The following AAK1 variants were observed in gnomAD, a reference collection of about 807,000 sequenced individuals.
AAK1 encodes the protein AP2 associated kinase 1.
In AAK1, 37 loss-of-function variants were observed where a neutral mutation model predicts 116.0. The observed-to-expected ratio is 0.32, with a 90% confidence interval of 0.25 to 0.42. The LOEUF (loss-of-function observed/expected upper bound fraction) is 0.42, where lower values mean the gene tolerates loss of function less well. AAK1 is among the 10% of genes least tolerant of loss of function. The pLI is 1.00. For missense variants in AAK1, 919 were observed against 1,170.6 expected, an observed-to-expected ratio of 0.79 and a Z score of 3.14; for synonymous variants, 458 against 439.9, an observed-to-expected ratio of 1.04 and a Z score of -0.51.
chr2:69,518,973 T>C lies in AAK1; in HGVS notation c.1478A>G (p.Gln493Arg), dbSNP rs1231709732. The C allele has an allele frequency of 1.3e-6, 2 of 1,548,844 alleles. No individual in the cohort carries two copies. Among genetic ancestry groups the C allele is most frequent in the Admixed American group, 2.0e-5 (1 of 50,972 alleles). ...QQPAGTFYQQ[Q>R]QAQTQQFQAV... ...CCTTACCTGCTGAGTCTGGGCCTGC[T>C]GCTGCTGGTAAAACGTGCCTGCCGG... Residue 493 changes from glutamine to arginine, a missense_variant, in exon 12 of 22, where the codon CAG (glutamine) becomes CGG (arginine). By Grantham distance (43) the Gln-to-Arg change is conservative. This residue lies in a region of AAK1 where 214 missense variants were observed against 210.6 expected (regional missense o/e 1.02). Transcript: ENST00000409085.
intron 2 of AAK1, among the ~76,000 whole-genome samples, chr2:69,561,571 T>A (rs1274173731): frequency 2.0e-5 from 3 of 152,230 alleles, no homozygotes; most frequent in African/African-American, 7.2e-5. Flanking sequence ...TCAGATAAGA[T>A]CCCTCATCTT....
At chr2:69,505,119 G>A (rs1227850205) in intron 16 of AAK1, among the ~76,000 whole-genome samples, 1 of 116,046 alleles carries the variant, frequency 8.6e-6, no homozygotes, top group Non-Finnish European at 1.8e-5. Context: ...GCGTGCGTGC[G>A]TGTGCGCACA....
intron 16 of AAK1, among the ~76,000 whole-genome samples, chr2:69,504,042 T>C (rs1676078779): frequency 6.7e-6 from 1 of 150,262 alleles, no homozygotes; most frequent in African/African-American, 2.4e-5. Flanking sequence ...TCTTTAATGA[T>C]GTAGGAGATA....
rs749530318 is a variant in AAK1, at chr2:69,544,429, T to G, written c.391+7A>C. 1 of 1,597,162 alleles carries G rather than the reference T, an allele frequency of 6.3e-7. No homozygotes were observed. The highest frequency in any genetic ancestry group is 2.2e-5 in the East Asian group (1 of 44,756). On this transcript the variant is annotated splice_region_variant and intron_variant, in intron 4 of 21. Coordinates refer to ENST00000409085, the MANE Select transcript of AAK1 (RefSeq NM_014911.5). ...TGACAGCTTAAGGGAATGGTTCATATACATACCTCTACAAAAGTCCATCAG... is the reference window on the plus strand; with the variant it reads ...TGACAGCTTAAGGGAATGGTTCATAGACATACCTCTACAAAAGTCCATCAG...
chr2:69,473,917 A>T lies in AAK1; in HGVS notation c.*1952T>A. 1 of 985,862 alleles carries T rather than the reference A, an allele frequency of 1.0e-6. No individual in the cohort carries two copies. The highest frequency in any genetic ancestry group is 1.2e-6 in the Non-Finnish European group (1 of 829,928). 61.1% of individuals were successfully genotyped at this position (985,862 alleles called of 1,614,324 possible). ...CCTATTTTCACTGCTATCCAACCAC[A>T]GAGAGCCCTTCGTGGATATCTTTTG... On this transcript the variant is annotated 3_prime_UTR_variant, in exon 22 of 22. Coordinates refer to ENST00000409085, the MANE Select transcript of AAK1 (RefSeq NM_014911.5).
rs1221430105 is a variant in AAK1 at position 69,548,974 on chromosome 2, T to TA, written c.283-4431dup. 2.0e-5 allele frequency among the ~76,000 whole-genome samples: 3 copies of TA among 152,170 alleles called. No individual in the cohort carries two copies. The East Asian group carries it at 5.8e-4, about 29-fold the overall frequency. On this transcript the variant is annotated intron_variant, in intron 3 of 21. Transcript: ENST00000409085. ...CAATCTACAGACAGCCCTCACCCGTTAGACAGTTCTTCCTTACCTATCTGG... is the reference window on the plus strand; with the variant it reads ...CAATCTACAGACAGCCCTCACCCGTTAAGACAGTTCTTCCTTACCTATCTGG...
chr2:69,485,394 A>C (rs1347821897), intron 17 of AAK1, among the ~76,000 whole-genome samples: 1 of 152,140 alleles, frequency 6.6e-6, no homozygotes, highest in Non-Finnish European at 1.5e-5. Flanking sequence ...TCATCTGTAA[A>C]ATGGAGATGC....
chr2:69,471,480 GA>G lies in AAK1; in HGVS notation c.*4388del. The G allele has an allele frequency of 1.0e-6, 1 of 985,432 alleles. No individual in the cohort carries two copies. Among genetic ancestry groups the G allele is most frequent in the Non-Finnish European group, 1.2e-6 (1 of 829,926 alleles). 61.0% of individuals were successfully genotyped at this position (985,432 alleles called of 1,614,324 possible). On this transcript the variant is annotated 3_prime_UTR_variant, in exon 22 of 22. Transcript: ENST00000409085. Reference sequence around the variant, plus strand: ...AATAAAGATAGCTTTGCAGTATCTGGAGTGTTTCAGGAAAGCTTCCATTCTA... The same window carrying G: ...AATAAAGATAGCTTTGCAGTATCTGGGTGTTTCAGGAAAGCTTCCATTCTA...
At position 69,516,645 on chromosome 2, in the gene AAK1, G is replaced by A. The variant is rs1419837591; in HGVS notation, c.1498-1896C>T. ...AGCAAGGAAATCATTAAAGACCACTGGAGTTACATTCAAAGGATTTAGGAG... is the reference window on the plus strand; with the variant it reads ...AGCAAGGAAATCATTAAAGACCACTAGAGTTACATTCAAAGGATTTAGGAG... On this transcript the variant is annotated intron_variant, in intron 12 of 21. Coordinates refer to ENST00000409085, the MANE Select transcript of AAK1 (RefSeq NM_014911.5). 7 of 152,290 alleles carry A rather than the reference G, an allele frequency of 4.6e-5. No homozygotes were observed. In the East Asian group the frequency reaches 1.2e-3, roughly 25 times the overall value. The allele number at this position is 152,290 out of a possible 1,614,324, so 9.4% of individuals were successfully genotyped here. A position where few individuals can be genotyped will look rare whatever the true frequency, so the allele number is the denominator to read the frequency against.
intron 18 of AAK1, chr2:69,481,654 C>T (rs1206839830): frequency 6.6e-6 from 1 of 152,180 alleles, no homozygotes; most frequent in Non-Finnish European, 1.5e-5. Context: ...GGGCCTTGGA[C>T]ATTTTGCAAA....
At chr2:69,561,339 T>C (rs1572958595) in intron 2 of AAK1, among the ~76,000 whole-genome samples, 1 of 152,216 alleles carries the variant, frequency 6.6e-6, no homozygotes. Flanking sequence ...ACAGTTCTTA[T>C]CTTTCTTCCC....
intron 17 of AAK1, among the ~76,000 whole-genome samples, chr2:69,487,137 G>C (rs1473095533): frequency 6.6e-6 from 1 of 152,098 alleles, no homozygotes; most frequent in Non-Finnish European, 1.5e-5. Context: ...TAAAATGTAA[G>C]GACTCTTAGA....
At chr2:69,601,422 G>C (rs986525609) in intron 2 of AAK1, among the ~76,000 whole-genome samples, 1 of 152,210 alleles carries the variant, frequency 6.6e-6, no homozygotes, top group Middle Eastern at 3.2e-3. Flanking sequence ...AGTTTATTGG[G>C]ACTCCAATTG....
chr2:69,531,543 C>CT, intron 6 of AAK1: 1 of 981,068 alleles, frequency 1.0e-6, no homozygotes, highest in African/African-American at 1.7e-5. Flanking sequence ...TCTAAAGAAG[C>CT]TTTTTATCAT....
chr2:69,525,709 T>A lies in AAK1; in HGVS notation c.976-597A>T, dbSNP rs140880661. Among the ~76,000 whole-genome samples the A allele has an allele frequency of 2.0e-5, 3 of 152,262 alleles. No homozygotes were observed. In the East Asian group the frequency reaches 5.8e-4, roughly 29 times the overall value. ...TCTGCACTATCCATCTAATAATGCC[T>A]CATGAGGGAGCACCAACTAGCTGTC... On this transcript the variant is annotated intron_variant, in intron 9 of 21. Transcript: ENST00000409085.
rs1674470627 is a variant in AAK1 at position 69,465,894 on chromosome 2, C to T, written c.*9975G>A. On this transcript the variant is annotated 3_prime_UTR_variant, in exon 22 of 22. Transcript: ENST00000409085. The stretch of plus-strand genomic sequence containing the variant: ...ACGGCCCGCGGGCAGGGGGACATCA[C>T]CTGTCTGACTGAGGAGACCGGTCTG... 1.5e-6 allele frequency: 2 copies of T among 1,290,860 alleles called. No individual in the cohort carries two copies. Among genetic ancestry groups the T allele is most frequent in the Non-Finnish European group, 1.0e-6 (1 of 988,868 alleles). The allele number at this position is 1,290,860 out of a possible 1,614,324, so 80.0% of individuals were successfully genotyped here. A position where few individuals can be genotyped will look rare whatever the true frequency, so the allele number is the denominator to read the frequency against.
chr2:69,631,760 G>T (rs1440500421), intron 2 of AAK1, among the ~76,000 whole-genome samples: 1 of 152,120 alleles, frequency 6.6e-6, no homozygotes. Context: ...CAGGTGGATT[G>T]CTTGGGCCCA....
intron 2 of AAK1, among the ~76,000 whole-genome samples, chr2:69,565,736 C>T (rs1052834490): frequency 3.3e-5 from 5 of 152,240 alleles, no homozygotes; most frequent in East Asian, 3.9e-4. Context: ...CTTGGGTGTA[C>T]CATTCAGGTG....
chr2:69,603,445 A>G (rs1039006176), intron 2 of AAK1, among the ~76,000 whole-genome samples: 1 of 152,090 alleles, frequency 6.6e-6, no homozygotes, highest in African/African-American at 2.4e-5. Context: ...GGCTCTCACA[A>G]AGCATACCAC....
Sources: gnomAD v4.1 joint callset for allele counts (sites outside exome capture counted in the v4.1 genomes callset) on GRCh38, gnomAD v4.1.1 for gene constraint, gnomAD v4.1.1 regional missense constraint, MANE v1.5 for transcripts, NCBI Gene and HGNC (gene_info 2026-07-23, HGNC 2026-07-21) for gene names.